ATP6V0A4: variants seen among roughly 807,000 people sequenced by gnomAD.
The protein encoded by ATP6V0A4 is V-type proton ATPase 116 kDa subunit a 4.
In ATP6V0A4, 86 loss-of-function variants were observed where a neutral mutation model predicts 107.3. The ratio of observed to expected loss-of-function variants is 0.80; its 90% confidence interval spans 0.67 to 0.96. The LOEUF (loss-of-function observed/expected upper bound fraction) is 0.96. Ranked by LOEUF, ATP6V0A4 falls within the 40% of genes least tolerant of loss-of-function variation. The pLI is 0.00. For missense variants in ATP6V0A4, 908 were observed against 1,045.6 expected, an observed-to-expected ratio of 0.87 and a Z score of 1.81; for synonymous variants, 353 against 381.4, an observed-to-expected ratio of 0.93 and a Z score of 0.87.
rs114286797 is a variant in ATP6V0A4 at position 138,713,009 on chromosome 7, G to A, written c.2257+2755C>T. 8.3e-3 allele frequency among the ~76,000 whole-genome samples: 1,267 copies of A among 152,194 alleles called. 18 individuals carry two copies. The highest frequency in any genetic ancestry group is 0.029 in the African/African-American group (1,207 of 41,526). On this transcript the variant is annotated intron_variant, in intron 20 of 21. Coordinates refer to ENST00000310018, the MANE Select transcript of ATP6V0A4 (RefSeq NM_020632.3). ...GCAGTGCACAGGAGTAAAGACATGCGGCCGGGCGCGGTGGCTCACGCCTGT... is the reference window on the plus strand; with the variant it reads ...GCAGTGCACAGGAGTAAAGACATGCAGCCGGGCGCGGTGGCTCACGCCTGT...
Position 138,715,490 on chromosome 7 carries a change from C to T in ATP6V0A4, c.2257+274G>A, listed in dbSNP as rs192932876. ...CTCTGGGATTACAGGTGTGAGCCACCGTGCCCGGCCAAATTTGTGTTGTTT... is the reference window on the plus strand; with the variant it reads ...CTCTGGGATTACAGGTGTGAGCCACTGTGCCCGGCCAAATTTGTGTTGTTT... On this transcript the variant is annotated intron_variant, in intron 20 of 21. Coordinates refer to ENST00000310018, the MANE Select transcript of ATP6V0A4 (RefSeq NM_020632.3). Among the ~76,000 whole-genome samples, 8 of 149,576 alleles carry T rather than the reference C, an allele frequency of 5.3e-5. No homozygotes were observed. In the East Asian group the frequency reaches 7.8e-4, roughly 15 times the overall value.
At chr7:138,779,284 G>C (rs1218136185) in intron 2 of ATP6V0A4, among the ~76,000 whole-genome samples, 2 of 151,806 alleles carry the variant, frequency 1.3e-5, no homozygotes, top group Non-Finnish European at 2.9e-5. Flanking sequence ...GGAGGTCGAG[G>C]CTGCAGTGAG....
intron 9 of ATP6V0A4, 25 bp from the exon 10 acceptor site, chr7:138,755,807 AAC>A: frequency 6.2e-7 from 1 of 1,609,644 alleles, no homozygotes; most frequent in Non-Finnish European, 8.5e-7. Flanking sequence ...TTCCAAAGGA[AAC>A]AGGTGAGTTC....
At chr7:138,784,199 A>C (rs1808039983) in intron 2 of ATP6V0A4, among the ~76,000 whole-genome samples, 1 of 142,684 alleles carries the variant, frequency 7.0e-6, no homozygotes, top group African/African-American at 2.7e-5. Context: ...TAATCCACCT[A>C]TGAATCCTTA....
chr7:138,725,138 G>T (rs1286485191), intron 18 of ATP6V0A4, among the ~76,000 whole-genome samples: 1 of 152,116 alleles, frequency 6.6e-6, no homozygotes, highest in South Asian at 2.1e-4. Context: ...TGGGCATTGT[G>T]GTGCAGGCCT....
chr7:138,729,401 C>T (rs1031890317), intron 17 of ATP6V0A4, among the ~76,000 whole-genome samples: 1 of 152,202 alleles, frequency 6.6e-6, no homozygotes, highest in African/African-American at 2.4e-5. Context: ...AGTTCCTCAC[C>T]ATCGCTACCT....
chr7:138,709,776 C>T lies in ATP6V0A4; in HGVS notation c.2277G>A (p.Trp759Ter), dbSNP rs761738801. ...LAHAQLSEVL[W>*]TMVMNSGLQT... is the part of the protein sequence containing the mutation. ...GAAGGCCGCTGTTCATCACCATAGT[C>T]CAGAGCACTTCAGACAGTTCTGCAA... The change falls in exon 21 of 22, where the codon TGG becomes TGA. Residue 759 changes from tryptophan to a stop codon, truncating the protein, a stop_gained. Coordinates refer to ENST00000310018, the MANE Select transcript of ATP6V0A4 (RefSeq NM_020632.3). LOFTEE classifies it high-confidence loss of function. 1 of 1,613,976 alleles carries T rather than the reference C, an allele frequency of 6.2e-7. No individual in the cohort carries two copies. The highest frequency in any genetic ancestry group is 1.3e-5 in the African/African-American group (1 of 75,026).
At chr7:138,737,207 T>C (rs1034780511) in intron 15 of ATP6V0A4, among the ~76,000 whole-genome samples, 2 of 149,190 alleles carry the variant, frequency 1.3e-5, no homozygotes, top group East Asian at 2.0e-4. Flanking sequence ...TGTATTCCCA[T>C]AATTTCCACG....
intron 16 of ATP6V0A4, among the ~76,000 whole-genome samples, chr7:138,733,509 G>GA (rs1207094071): frequency 4.2e-5 from 3 of 71,366 alleles, no homozygotes; most frequent in Admixed American, 3.4e-4. Flanking sequence ...GCAAAGTGTG[G>GA]CCCACAGGCC....
chr7:138,789,709 G>A (rs919216256), intron 1 of ATP6V0A4, among the ~76,000 whole-genome samples: 3 of 151,274 alleles, frequency 2.0e-5, no homozygotes, highest in South Asian at 2.1e-4. Flanking sequence ...AGTGGCTCAC[G>A]CCTGTAATCC....
At chr7:138,734,777 C>CAAA (rs528307650) in intron 15 of ATP6V0A4, among the ~76,000 whole-genome samples, 21 of 108,914 alleles carry the variant, frequency 1.9e-4, no homozygotes, top group African/African-American at 4.7e-4. Flanking sequence ...GACTCTGTCT[C>CAAA]AAAAAAAAAA....
In ATP6V0A4 at chr7:138,797,048, G is replaced by A. The variant is rs1808704316; in HGVS notation, c.-121+986C>T. Reference sequence around the variant, plus strand: ...CTTGCCTCCCCACCTCACATGCCTTGGCTCACCTGCGCTTCTGGGTGCTGC... The same window carrying A: ...CTTGCCTCCCCACCTCACATGCCTTAGCTCACCTGCGCTTCTGGGTGCTGC... On this transcript the variant is annotated intron_variant, in intron 1 of 21. Coordinates refer to ENST00000310018, the MANE Select transcript of ATP6V0A4 (RefSeq NM_020632.3). Among the ~76,000 whole-genome samples the A allele has an allele frequency of 3.3e-5, 5 of 151,956 alleles. No individual in the cohort carries two copies. In the South Asian group the frequency reaches 1.0e-3, roughly 32 times the overall value.
chr7:138,713,280 GAAAAAAAAA>G (rs10673617), intron 20 of ATP6V0A4, among the ~76,000 whole-genome samples: 1 of 120,748 alleles, frequency 8.3e-6, no homozygotes, highest in Non-Finnish European at 1.7e-5. Context: ...ACTCCAGCCT[GAAAAAAAAA>G]AAAAAAAAAA....
intron 19 of ATP6V0A4, among the ~76,000 whole-genome samples, chr7:138,718,032 G>A (rs1272883620): frequency 5.0e-5 from 7 of 140,584 alleles, no homozygotes; most frequent in South Asian, 4.7e-4. Context: ...GGAGGGAGAC[G>A]TCCAGGAAGG....
At position 138,724,043 on chromosome 7, in the gene ATP6V0A4, AAAT is replaced by A. The variant is rs1344664848; in HGVS notation, c.2011-2021_2011-2019del. On this transcript the variant is annotated intron_variant, in intron 18 of 21. Coordinates refer to ENST00000310018, the MANE Select transcript of ATP6V0A4 (RefSeq NM_020632.3). Reference sequence around the variant, plus strand: ...CATCTCTCAAAAAAAAAAAAAAAAAAAATTTAGCCTGGCTGAGGGAGCACCTGT... The same window carrying A: ...CATCTCTCAAAAAAAAAAAAAAAAAATTAGCCTGGCTGAGGGAGCACCTGT... Among the ~76,000 whole-genome samples the A allele has an allele frequency of 2.7e-5, 4 of 149,264 alleles. No homozygotes were observed. In the South Asian group the frequency reaches 6.3e-4, roughly 23 times the overall value.
intron 18 of ATP6V0A4, among the ~76,000 whole-genome samples, chr7:138,724,407 T>C (rs1804606188): frequency 6.6e-6 from 1 of 152,066 alleles, no homozygotes; most frequent in East Asian, 1.9e-4. Flanking sequence ...TGACCCAAAA[T>C]GTCTAAGTTC....
intron 18 of ATP6V0A4, among the ~76,000 whole-genome samples, chr7:138,723,715 G>A (rs369089216): frequency 1.1e-4 from 17 of 151,492 alleles, no homozygotes; most frequent in East Asian, 3.9e-4. Context: ...TAATAGAGAC[G>A]GGGTTTCTCC....
rs566571428 is a variant in ATP6V0A4 at position 138,736,484 on chromosome 7, G to T, written c.1573-2230C>A. ...TTCAAGGAGCATTTACCACGTTTGT[G>T]CATAAGACTCTGTTCTGGCAGTTTT... On this transcript the variant is annotated intron_variant, in intron 15 of 21. Transcript: ENST00000310018. Among the ~76,000 whole-genome samples the T allele has an allele frequency of 4.6e-5, 7 of 152,246 alleles. No individual in the cohort carries two copies. The South Asian group carries it at 1.5e-3, about 32-fold the overall frequency.
rs8846 is a variant in ATP6V0A4, at chr7:138,706,385, C to T, written c.*239G>A. 106,482 of 529,434 alleles carry T rather than the reference C, an allele frequency of 0.2. 11,700 individuals carry two copies. The highest frequency in any genetic ancestry group is 0.3 in the African/African-American group (15,737 of 52,406). 32.8% of individuals were successfully genotyped at this position (529,434 alleles called of 1,614,324 possible). ...GCATTCTCCCCTCATTTGTCAATTACTTTATTATTTGAGAATTAATACCCC... is the reference window on the plus strand; with the variant it reads ...GCATTCTCCCCTCATTTGTCAATTATTTTATTATTTGAGAATTAATACCCC... On this transcript the variant is annotated 3_prime_UTR_variant, in exon 22 of 22. Transcript: ENST00000310018.
Sources: gnomAD v4.1 joint callset for allele counts (sites outside exome capture counted in the v4.1 genomes callset) on GRCh38, gnomAD v4.1.1 for gene constraint, MANE v1.5 for transcripts, NCBI Gene and HGNC (gene_info 2026-07-23, HGNC 2026-07-21) for gene names.